The following FBXO38 variants were observed in gnomAD, a reference collection of about 807,000 sequenced individuals.
FBXO38 encodes F-box only protein 38.
A neutral mutation model predicts 131.9 loss-of-function variants in FBXO38; 53 were observed. The observed-to-expected ratio is 0.40, with a 90% CI of 0.32 to 0.51. The LOEUF is 0.51. Among genes scored for constraint, FBXO38 ranks in the 20% least tolerant of loss-of-function variants. The probability of loss-of-function intolerance (pLI) is 0.53; values close to 1 mark genes in which losing one functional copy is unlikely to be tolerated. For synonymous variants in FBXO38, 452 were observed against 505.6 expected (o/e 0.89, Z 1.42); for missense variants, 1,076 against 1,475.6 (o/e 0.73, Z 4.44).
At chr5:148,386,228 TGC>T (rs1757907071) in intron 1 of FBXO38, among the ~76,000 whole-genome samples, 1 of 152,156 alleles carries the variant, frequency 6.6e-6, no homozygotes. Flanking sequence ...ACTAGGGCAT[TGC>T]TCTGGAATGC....
rs928826029 is a variant in FBXO38, at chr5:148,417,177, C to G, written c.1591C>G (p.Pro531Ala). 1.9e-6 allele frequency: 3 copies of G among 1,613,068 alleles called. No homozygotes were observed. The highest frequency in any genetic ancestry group is 1.7e-6 in the Non-Finnish European group (2 of 1,179,240). Reference sequence around the variant, plus strand: ...GAATGACTTTCGGCAAGATCTGCAGCCAGGAGAGCAGCAGTTTGCAGCTGA... The same window carrying G: ...GAATGACTTTCGGCAAGATCTGCAGGCAGGAGAGCAGCAGTTTGCAGCTGA... Reference protein sequence around the residue: ...EENDFRQDLQPGEQQFAADAL... With the variant: ...EENDFRQDLQAGEQQFAADAL... The change falls in exon 12 of 22, where the codon CCA becomes GCA. Residue 531 changes from proline (P) to alanine (A), a missense_variant. By Grantham distance (27) the Pro-to-Ala change is conservative (BLOSUM62 -1). Around this residue, in one of 8 missense-constraint regions of FBXO38, gnomAD observed 212 missense variants for 221.2 expected, o/e 0.96. Coordinates refer to ENST00000340253, the MANE Select transcript of FBXO38 (RefSeq NM_205836.3).
intron 12 of FBXO38, among the ~76,000 whole-genome samples, chr5:148,417,898 G>A (rs1204530329): frequency 6.6e-6 from 1 of 152,070 alleles, no homozygotes; most frequent in Non-Finnish European, 1.5e-5. Context: ...TCCTTTTGTT[G>A]TTCCCCATTT....
chr5:148,414,130 T>C lies in FBXO38; in HGVS notation c.1094-6T>C, dbSNP rs1340633712. 9 of 1,590,534 alleles carry C rather than the reference T, an allele frequency of 5.7e-6. No homozygotes were observed. Among genetic ancestry groups the C allele is most frequent in the Non-Finnish European group, 6.8e-6 (8 of 1,173,428 alleles). ...TTTTTTTTTTTTAATTGATTGCTCTTTTTAGGCAGAATGGCTAATGCGGAT... is the reference window on the plus strand; with the variant it reads ...TTTTTTTTTTTTAATTGATTGCTCTCTTTAGGCAGAATGGCTAATGCGGAT... On this transcript the variant is annotated splice_polypyrimidine_tract_variant and splice_region_variant and intron_variant, in intron 9 of 21. Transcript: ENST00000340253.
intron 1 of FBXO38, among the ~76,000 whole-genome samples, chr5:148,393,200 T>G (rs968916475): frequency 1.4e-5 from 2 of 146,656 alleles, no homozygotes; most frequent in African/African-American, 5.3e-5. Flanking sequence ...TGTGTGTGTG[T>G]GTGTGTGTGT....
At chr5:148,400,395 CA>C (rs1247582952) in intron 3 of FBXO38, among the ~76,000 whole-genome samples, 1 of 152,112 alleles carries the variant, frequency 6.6e-6, no homozygotes, top group African/African-American at 2.4e-5. Flanking sequence ...GACAGGATGG[CA>C]GAACTCCCAT....
chr5:148,393,712 T>A (rs1191964014), intron 1 of FBXO38, among the ~76,000 whole-genome samples: 3 of 152,204 alleles, frequency 2.0e-5, no homozygotes, highest in Admixed American at 6.5e-5. Flanking sequence ...TCAAAATAAA[T>A]GTGCCAAGGC....
intron 14 of FBXO38, 85 bp downstream of exon 14, chr5:148,425,786 A>G: frequency 8.6e-7 from 1 of 1,161,340 alleles, no homozygotes; most frequent in South Asian, 1.5e-5. Context: ...ACTTGGGTGC[A>G]GTTAACATAT....
chr5:148,399,359 CTA>C, intron 3 of FBXO38: 1 of 510,562 alleles, frequency 2.0e-6, no homozygotes, highest in Non-Finnish European at 3.5e-6. Flanking sequence ...CCTTAAGTAA[CTA>C]TATCAGCCTG....
In FBXO38 at chr5:148,406,370, G is replaced by A. The variant is rs1169253883; in HGVS notation, c.844G>A (p.Val282Ile). ...VPFLGGLIQH[V>I]VEDSWRSGGF... ...TTTCCTTGGAGGTCTTATCCAACAT[G>A]TTGTTGAAGACAGTTGGAGATCAGG... Residue 282 changes from valine (V) to isoleucine (I), a missense_variant, in exon 7 of 22, where the codon GTT (valine) becomes ATT (isoleucine). This residue lies in a region of FBXO38 where 146 missense variants were observed against 274.3 expected (regional missense o/e 0.53). Coordinates refer to ENST00000340253, the MANE Select transcript of FBXO38 (RefSeq NM_205836.3). 6.3e-7 allele frequency: 1 copy of A among 1,593,760 alleles called. No individual in the cohort carries two copies.
intron 12 of FBXO38, among the ~76,000 whole-genome samples, chr5:148,419,921 C>T (rs1167554863): frequency 6.6e-6 from 1 of 151,904 alleles, no homozygotes; most frequent in African/African-American, 2.4e-5. Context: ...TAAATTAACT[C>T]CAACAAAACT....
intron 1 of FBXO38, among the ~76,000 whole-genome samples, chr5:148,387,389 T>C (rs1015224498): frequency 6.6e-6 from 1 of 152,226 alleles, no homozygotes; most frequent in African/African-American, 2.4e-5. Context: ...CATCCGATTG[T>C]AGTTCTCTTG....
At chr5:148,389,250 G>A (rs1758071932) in intron 1 of FBXO38, among the ~76,000 whole-genome samples, 1 of 152,144 alleles carries the variant, frequency 6.6e-6, no homozygotes, top group East Asian at 1.9e-4. Context: ...AATAATGAAA[G>A]GATATGAAAT....
At chr5:148,426,565 C>G (rs1393781463) in intron 14 of FBXO38, among the ~76,000 whole-genome samples, 3 of 152,154 alleles carry the variant, frequency 2.0e-5, no homozygotes. Flanking sequence ...GCTGACTAAC[C>G]TACCTTCCCA....
chr5:148,419,421 T>G (rs141740095), intron 12 of FBXO38, among the ~76,000 whole-genome samples: 2 of 152,332 alleles, frequency 1.3e-5, no homozygotes, highest in Non-Finnish European at 2.9e-5. Context: ...GACTGATTTT[T>G]GGTTGAAACA....
intron 18 of FBXO38, among the ~76,000 whole-genome samples, chr5:148,439,256 C>T (rs1754532096): frequency 6.6e-6 from 1 of 152,138 alleles, no homozygotes. Flanking sequence ...AATGCATTCT[C>T]TCTTAAAGAC....
chr5:148,398,951 AG>A, intron 2 of FBXO38, 47 bp from the exon 3 acceptor site: 1 of 1,606,466 alleles, frequency 6.2e-7, no homozygotes, highest in Non-Finnish European at 8.5e-7. Context: ...ACTGGTGAGA[AG>A]TAATACTTAT....
At chr5:148,395,905 AAG>A (rs1758455407) in intron 2 of FBXO38, among the ~76,000 whole-genome samples, 1 of 152,126 alleles carries the variant, frequency 6.6e-6, no homozygotes, top group Non-Finnish European at 1.5e-5. Flanking sequence ...AAACTTCTCT[AAG>A]CATCTGGATT....
At chr5:148,439,507 T>C in intron 18 of FBXO38, 140 bp from the exon 19 acceptor site, 5 of 808,940 alleles carry the variant, frequency 6.2e-6, no homozygotes, top group Non-Finnish European at 9.2e-6. Context: ...TGTTTTCAGG[T>C]CTGAATGTGA....
In FBXO38 at chr5:148,427,534, C is replaced by T; in HGVS notation, c.2240C>T (p.Ser747Phe). The change falls in exon 15 of 22, where the codon TCC (serine) becomes TTC (phenylalanine). Residue 747 changes from serine to phenylalanine, a missense_variant. This residue lies in a region of FBXO38 where 213 missense variants were observed against 225.2 expected (regional missense o/e 0.95). Transcript: ENST00000340253. Reference sequence around the variant, plus strand: ...CCTAGCCCTACAGAAGTGGATGTGTCCAGGCAGTGTGCCTGCTCCCCCGGT... The same window carrying T: ...CCTAGCCCTACAGAAGTGGATGTGTTCAGGCAGTGTGCCTGCTCCCCCGGT... ...SEPSPTEVDV[S>F]RQCACSPGGS... 5.0e-6 allele frequency: 8 copies of T among 1,614,152 alleles called. No individual in the cohort carries two copies. Among genetic ancestry groups the T allele is most frequent in the Non-Finnish European group, 6.8e-6 (8 of 1,180,028 alleles).
Sources: gnomAD v4.1 joint callset for allele counts (sites outside exome capture counted in the v4.1 genomes callset) on GRCh38, gnomAD v4.1.1 for gene constraint, gnomAD v4.1.1 regional missense constraint, MANE v1.5 for transcripts, NCBI Gene and HGNC (gene_info 2026-07-23, HGNC 2026-07-21) for gene names.